ITPRID1: variants seen among roughly 807,000 people sequenced by gnomAD.
ITPRID1 encodes the protein protein ITPRID1.
In ITPRID1, 96 loss-of-function variants were observed where a neutral mutation model predicts 95.4. That is an observed-to-expected ratio of 1.01 (90% confidence interval 0.85 to 1.19). ITPRID1 has a LOEUF of 1.19. Ranked by LOEUF, ITPRID1 falls within the 50% of genes most tolerant of loss-of-function variation. The pLI, the probability that ITPRID1 is intolerant of heterozygous loss-of-function variation, is 0.00. For missense variants in ITPRID1, 1,339 were observed against 1,252.9 expected, an observed-to-expected ratio of 1.07 and a Z score of -1.04; for synonymous variants, 510 against 453.6, an observed-to-expected ratio of 1.12 and a Z score of -1.58.
chr7:31,529,883 T>G, intron 1 of ITPRID1: 1 of 1,305,432 alleles, frequency 7.7e-7, no homozygotes, highest in Non-Finnish European at 1.1e-6. Context: ...GGGAGGGGTA[T>G]TAGCTGTCTG....
At chr7:31,636,198 G>A (rs963337298) in intron 10 of ITPRID1, among the ~76,000 whole-genome samples, 1 of 152,126 alleles carries the variant, frequency 6.6e-6, no homozygotes, top group African/African-American at 2.4e-5. Flanking sequence ...CCCATGACAT[G>A]TGGGGATTAT....
chr7:31,632,295 T>A (rs529252234), intron 10 of ITPRID1, among the ~76,000 whole-genome samples: 9 of 151,524 alleles, frequency 5.9e-5, no homozygotes, highest in African/African-American at 1.5e-4. Flanking sequence ...AAAAAAACAA[T>A]AAATTAGCCA....
intron 1 of ITPRID1, among the ~76,000 whole-genome samples, chr7:31,516,952 C>A (rs1318016792): frequency 6.6e-6 from 1 of 152,198 alleles, no homozygotes; most frequent in African/African-American, 2.4e-5. Context: ...TTTCTTCCTG[C>A]TGGTGGGTTT....
At chr7:31,628,178 G>A (rs1424936241) in intron 10 of ITPRID1, among the ~76,000 whole-genome samples, 4 of 152,222 alleles carry the variant, frequency 2.6e-5, no homozygotes, top group African/African-American at 9.6e-5. Flanking sequence ...GAAGGAGGGA[G>A]TGGTCAATAA....
At chr7:31,600,968 G>A (rs1786369006) in intron 10 of ITPRID1, among the ~76,000 whole-genome samples, 1 of 152,102 alleles carries the variant, frequency 6.6e-6, no homozygotes, top group South Asian at 2.1e-4. Context: ...AGTGGGTTGG[G>A]GGAGAGCCGT....
intron 7 of ITPRID1, among the ~76,000 whole-genome samples, chr7:31,573,086 C>A (rs1253467904): frequency 2.6e-5 from 4 of 152,152 alleles, no homozygotes; most frequent in African/African-American, 9.7e-5. Flanking sequence ...ATTCCTGATT[C>A]CCCTGGTAAT....
Position 31,642,302 on chromosome 7 carries a change from C to T in ITPRID1, c.1311+44C>T, listed in dbSNP as rs1297061951. 16 of 1,271,964 alleles carry T rather than the reference C, an allele frequency of 1.3e-5. No individual in the cohort carries two copies. The Admixed American group carries it at 3.4e-4, about 27-fold the overall frequency. 78.8% of individuals were successfully genotyped at this position (1,271,964 alleles called of 1,614,324 possible). On this transcript the variant is annotated intron_variant, in intron 11 of 14. Coordinates refer to ENST00000615280, the MANE Select transcript of ITPRID1 (RefSeq NM_001257967.3). The stretch of plus-strand genomic sequence containing the variant: ...GGGCCCTGTTGCTCATCCCTAACAT[C>T]CCACTTCAGCCCTATCAACCAGGCT...
intron 5 of ITPRID1, among the ~76,000 whole-genome samples, chr7:31,557,662 G>A (rs955594648): frequency 2.0e-5 from 3 of 152,142 alleles, no homozygotes; most frequent in Admixed American, 6.6e-5. Context: ...TACTGAGGAT[G>A]CACATGCTAG....
chr7:31,598,473 G>A (rs1486328009), intron 10 of ITPRID1, among the ~76,000 whole-genome samples: 1 of 138,098 alleles, frequency 7.2e-6, no homozygotes, highest in Non-Finnish European at 1.5e-5. Flanking sequence ...GCGCTATCTC[G>A]GCTCACTGCA....
rs183788784 is a variant in ITPRID1, at chr7:31,588,478, A to G, written c.1228+5287A>G. Among the ~76,000 whole-genome samples, 652 of 151,866 alleles carry G rather than the reference A, an allele frequency of 4.3e-3. 12 individuals carry two copies. The highest frequency in any genetic ancestry group is 6.8e-3 in the Middle Eastern group (2 of 294). ...AAACTCTGTCTCTACTAAAAATACA[A>G]AAATTAGCTGGGCATGGTGGTGGGT... On this transcript the variant is annotated intron_variant, in intron 10 of 14. Transcript: ENST00000615280.
chr7:31,619,806 T>C (rs533158364), intron 10 of ITPRID1, among the ~76,000 whole-genome samples: 35 of 152,136 alleles, frequency 2.3e-4, no homozygotes, highest in African/African-American at 8.2e-4. Flanking sequence ...GCGCGAGGCA[T>C]TGCCTCCCTC....
At chr7:31,591,555 T>C (rs767812384) in intron 10 of ITPRID1, among the ~76,000 whole-genome samples, 13 of 152,178 alleles carry the variant, frequency 8.5e-5, no homozygotes, top group African/African-American at 1.4e-4. Flanking sequence ...GAAAAACTGG[T>C]GAAAAGTGTA....
chr7:31,603,891 C>T lies in ITPRID1; in HGVS notation c.1228+20700C>T, dbSNP rs73095782. On this transcript the variant is annotated intron_variant, in intron 10 of 14. Transcript: ENST00000615280. ...TCATCCATCTTTCAAGGTCTTAGTG[C>T]GATGATTACCTCTTCTGTCATCTCC... 5.3e-3 allele frequency among the ~76,000 whole-genome samples: 804 copies of T among 152,270 alleles called. 3 individuals carry two copies. Among genetic ancestry groups the T allele is most frequent in the Non-Finnish European group, 8.4e-3 (569 of 68,016 alleles).
At chr7:31,548,352 G>T (rs928843987) in intron 1 of ITPRID1, among the ~76,000 whole-genome samples, 3 of 152,066 alleles carry the variant, frequency 2.0e-5, no homozygotes. Context: ...TAGTCTGATG[G>T]CATATGCTTC....
chr7:31,535,682 A>C (rs935493319), intron 1 of ITPRID1, among the ~76,000 whole-genome samples: 4 of 152,012 alleles, frequency 2.6e-5, no homozygotes, highest in African/African-American at 9.7e-5. Flanking sequence ...GCATTTTTTT[A>C]ACATCTGAAA....
chr7:31,527,656 A>T (rs977872145), intron 1 of ITPRID1, among the ~76,000 whole-genome samples: 1 of 152,026 alleles, frequency 6.6e-6, no homozygotes, highest in Non-Finnish European at 1.5e-5. Context: ...AATTTCCAGG[A>T]TGTTTTTTCC....
intron 10 of ITPRID1, among the ~76,000 whole-genome samples, chr7:31,592,357 A>T (rs543798576): frequency 9.2e-5 from 14 of 152,346 alleles, no homozygotes; most frequent in African/African-American, 3.4e-4. Context: ...AAATAAGCAT[A>T]ATAACAGCAT....
At chr7:31,632,585 T>C (rs1789108979) in intron 10 of ITPRID1, among the ~76,000 whole-genome samples, 1 of 152,182 alleles carries the variant, frequency 6.6e-6, no homozygotes, top group Non-Finnish European at 1.5e-5. Flanking sequence ...GATTTCAAAA[T>C]AGAGACTGAT....
intron 10 of ITPRID1, among the ~76,000 whole-genome samples, chr7:31,611,470 T>C (rs1786865490): frequency 6.6e-6 from 1 of 151,888 alleles, no homozygotes; most frequent in African/African-American, 2.4e-5. Flanking sequence ...CTAGTGTTTT[T>C]TCACTCCCAC....
Sources: allele counts gnomAD v4.1 joint callset (sites outside exome capture counted in the v4.1 genomes callset), GRCh38; gene constraint gnomAD v4.1.1; transcripts MANE v1.5; gene names NCBI Gene and HGNC (gene_info 2026-07-23, HGNC 2026-07-21).